The following DDX50 variants were observed in gnomAD, a reference collection of about 807,000 sequenced individuals.
The protein encoded by DDX50 is DExD-box helicase 50, also known as ATP-dependent RNA helicase DDX50.
A neutral mutation model predicts 94.8 loss-of-function variants in DDX50; 56 were observed. The ratio of observed to expected loss-of-function variants is 0.59; its 90% CI spans 0.48 to 0.74. The LOEUF (loss-of-function observed/expected upper bound fraction) is 0.74, where lower values mean the gene tolerates loss of function less well. DDX50 is among the 30% of genes least tolerant of loss of function. DDX50 has a pLI of 0.00. For missense variants in DDX50, 713 were observed against 881.2 expected, an observed-to-expected ratio of 0.81 and a Z score of 2.42; for synonymous variants, 264 against 295.4, an observed-to-expected ratio of 0.89 and a Z score of 1.09.
Position 68,936,940 on chromosome 10 carries a change from C to T in DDX50, c.1600C>T (p.Leu534=), listed in dbSNP as rs767422768. ...AATACTATTTTTAAACCATAGGTCT[C>T]TGGCTTCCGTTTCTTACGCTGCTGT... ...KSKSMDAIRS[L]ASVSYAAVDF... Residue 534 remains leucine, a synonymous_variant, in exon 12 of 15, where the codon CTG becomes TTG. Coordinates refer to ENST00000373585, the MANE Select transcript of DDX50 (RefSeq NM_024045.2). The T allele has an allele frequency of 6.2e-7, 1 of 1,600,342 alleles. No individual in the cohort carries two copies. The highest frequency in any genetic ancestry group is 1.1e-5 in the South Asian group (1 of 89,630).
intron 12 of DDX50, among the ~76,000 whole-genome samples, chr10:68,937,584 G>GTTTT (rs11429851): frequency 3.3e-5 from 4 of 120,798 alleles, no homozygotes; most frequent in Admixed American, 9.2e-5. Flanking sequence ...AACTTTATAA[G>GTTTT]TTTTTTTTTT....
At chr10:68,943,354 C>A in intron 14 of DDX50, 97 bp downstream of exon 14, 1 of 967,986 alleles carries the variant, frequency 1.0e-6, no homozygotes, top group Non-Finnish European at 1.5e-6. Flanking sequence ...CATTATCATG[C>A]CTAAATCAAT....
intron 12 of DDX50, among the ~76,000 whole-genome samples, chr10:68,940,427 A>T (rs1286414282): frequency 4.1e-5 from 6 of 144,786 alleles, no homozygotes; most frequent in African/African-American, 1.3e-4. Flanking sequence ...TTTACTTTTT[A>T]TTTTTTTTTT....
At chr10:68,925,896 C>A (rs1300573772) in intron 8 of DDX50, among the ~76,000 whole-genome samples, 1 of 151,396 alleles carries the variant, frequency 6.6e-6, no homozygotes, top group Admixed American at 6.6e-5. Flanking sequence ...CACCTGTAGT[C>A]CCAGCTGCGT....
At chr10:68,932,452 G>T (rs1842297514) in intron 8 of DDX50, among the ~76,000 whole-genome samples, 1 of 152,122 alleles carries the variant, frequency 6.6e-6, no homozygotes, top group East Asian at 1.9e-4. Flanking sequence ...TAGAGATGAG[G>T]TTTCACCATG....
rs1842340903 is a variant in DDX50, at chr10:68,934,067, A to G, written c.1240-132A>G. 1.3e-6 allele frequency: 1 copy of G among 792,988 alleles called. No individual in the cohort carries two copies. Among genetic ancestry groups the G allele is most frequent in the Non-Finnish European group, 1.8e-6 (1 of 559,256 alleles). 49.1% of individuals were successfully genotyped at this position (792,988 alleles called of 1,614,324 possible). ...GTCATGTTTGACTTTTTTTTTTTAC[A>G]GTAAGCATGCATTGTTAAAATCATC... On this transcript the variant is annotated intron_variant, in intron 8 of 14. Transcript: ENST00000373585. This position sits in a 1 kb window ranked among gnomAD's most constrained non-coding sequence, Gnocchi z 4.0.
At chr10:68,914,347 A>G (rs1841721146) in intron 7 of DDX50, 143 bp downstream of exon 7, 1 of 886,784 alleles carries the variant, frequency 1.1e-6, no homozygotes. Flanking sequence ...ATATATTTTT[A>G]TAGTCTGAGA....
At chr10:68,931,535 G>C (rs1007029267) in intron 8 of DDX50, among the ~76,000 whole-genome samples, 1 of 150,148 alleles carries the variant, frequency 6.7e-6, no homozygotes, top group African/African-American at 2.5e-5. Flanking sequence ...CTGCCTCCCG[G>C]TTTCCAGTGA....
chr10:68,912,369 C>A (rs7895696), intron 4 of DDX50, among the ~76,000 whole-genome samples: 1,963 of 152,140 alleles, frequency 0.013, 59 homozygotes, highest in African/African-American at 0.045. Flanking sequence ...CAGGTGCCAC[C>A]ACACTTGGCT....
chr10:68,905,208 C>T lies in DDX50; in HGVS notation c.88-1503C>T, dbSNP rs546837550. Among the ~76,000 whole-genome samples the T allele has an allele frequency of 1.9e-3, 282 of 152,242 alleles. 1 individual carries two copies. The highest frequency in any genetic ancestry group is 6.5e-3 in the African/African-American group (270 of 41,544). ...CTGGGATTATAGGCGTGAACCACCA[C>T]GGCTAGCCACCAGGCTAAAGTCCTA... On this transcript the variant is annotated intron_variant, in intron 1 of 14. Transcript: ENST00000373585.
At position 68,906,837 on chromosome 10, in the gene DDX50, G is replaced by A; in HGVS notation, c.214G>A (p.Gly72Arg). 2.5e-6 allele frequency: 4 copies of A among 1,613,712 alleles called. No homozygotes were observed. The highest frequency in any genetic ancestry group is 3.4e-6 in the Non-Finnish European group (4 of 1,179,954). The change falls in exon 2 of 15, where the codon GGA becomes AGA. Residue 72 changes from glycine to arginine, a missense_variant. Physicochemically the swap from Gly to Arg is moderately radical, Grantham distance 125. Transcript: ENST00000373585. ...KKSKMKEKLN[G>R]DTEEGFNRLS... ...ATCTAAAATGAAAGAGAAGCTAAAT[G>A]GAGACACTGAAGAAGGATTTAATAG...
At chr10:68,910,754 G>T (rs1487088252) in intron 3 of DDX50, among the ~76,000 whole-genome samples, 1 of 152,156 alleles carries the variant, frequency 6.6e-6, no homozygotes, top group Non-Finnish European at 1.5e-5. Flanking sequence ...ACTAGATTTT[G>T]TAAAACTCCT....
At chr10:68,904,761 C>T (rs1026609900) in intron 1 of DDX50, among the ~76,000 whole-genome samples, 7 of 152,154 alleles carry the variant, frequency 4.6e-5, no homozygotes, top group Non-Finnish European at 1.0e-4. Context: ...AAGGCTGAAT[C>T]GATAAATAAT....
intron 1 of DDX50, among the ~76,000 whole-genome samples, chr10:68,904,922 A>G (rs1841397556): frequency 6.6e-6 from 1 of 152,256 alleles, no homozygotes; most frequent in Non-Finnish European, 1.5e-5. Flanking sequence ...AGAAAATTAT[A>G]TGTGAAATAA....
At chr10:68,938,823 C>T (rs1353322064) in intron 12 of DDX50, among the ~76,000 whole-genome samples, 1 of 152,094 alleles carries the variant, frequency 6.6e-6, no homozygotes, top group African/African-American at 2.4e-5. Context: ...TTACATGTTA[C>T]ATTTGGTATT....
In DDX50 at chr10:68,943,237, A is replaced by G. The variant is rs759508568; in HGVS notation, c.1915A>G (p.Thr639Ala). The G allele has an allele frequency of 2.5e-6, 4 of 1,608,148 alleles. No homozygotes were observed. The highest frequency in any genetic ancestry group is 1.1e-5 in the South Asian group (1 of 89,074). Reference sequence around the variant, plus strand: ...GGGTGTTTGCTTTGATGTTCCTACAACTGAGTCAGAAAGGTTACAGGTATT... The same window carrying G: ...GGGTGTTTGCTTTGATGTTCCTACAGCTGAGTCAGAAAGGTTACAGGTATT... The part of the protein sequence containing the change: ...NMGVCFDVPT[T>A]ESERLQAEWH... The change falls in exon 14 of 15, where the codon ACT becomes GCT. Residue 639 changes from threonine to alanine, a missense_variant. Physicochemically the swap from Thr to Ala is moderately conservative, Grantham distance 58. Transcript: ENST00000373585.
chr10:68,907,535 T>G (rs991597671), intron 2 of DDX50, among the ~76,000 whole-genome samples: 1 of 152,004 alleles, frequency 6.6e-6, no homozygotes, highest in Non-Finnish European at 1.5e-5. Context: ...AGGCTGGTCT[T>G]GAACTCCTGA....
At chr10:68,941,259 C>A in intron 13 of DDX50, 65 bp downstream of exon 13, 1 of 1,577,698 alleles carries the variant, frequency 6.3e-7, no homozygotes, top group Non-Finnish European at 8.6e-7. Context: ...CAAACACTAG[C>A]AAATTTTGTT....
At chr10:68,944,519 CT>C (rs1276525249) in intron 14 of DDX50, among the ~76,000 whole-genome samples, 1 of 152,006 alleles carries the variant, frequency 6.6e-6, no homozygotes, top group Non-Finnish European at 1.5e-5. Flanking sequence ...TAACACAGTT[CT>C]TTTTTTCTTT....
Sources: allele counts gnomAD v4.1 joint callset (sites outside exome capture counted in the v4.1 genomes callset), GRCh38; gene constraint gnomAD v4.1.1; non-coding constraint Gnocchi (gnomAD v3.1); transcripts MANE v1.5; gene names NCBI Gene and HGNC (gene_info 2026-07-23, HGNC 2026-07-21).